The following XNDC1N variants were observed in gnomAD, a reference collection of about 807,000 sequenced individuals.
XNDC1N encodes the protein protein XNDC1N.
chr11:71,882,290 T>C, the XNDC1N span, among the ~76,000 whole-genome samples: 1 of 152,076 alleles, frequency 6.6e-6, no homozygotes, highest in African/African-American at 2.4e-5. Flanking sequence ...GAGTCTCACT[T>C]TGTCACCCAG....
the XNDC1N span, among the ~76,000 whole-genome samples, chr11:71,912,715 C>T: frequency 6.6e-6 from 1 of 152,146 alleles, no homozygotes; most frequent in African/African-American, 2.4e-5. Flanking sequence ...ATATCATCCT[C>T]TTTCCCCCTG....
the XNDC1N span, among the ~76,000 whole-genome samples, chr11:71,893,137 C>T: frequency 2.6e-5 from 4 of 152,276 alleles, no homozygotes; most frequent in East Asian, 7.7e-4. Flanking sequence ...GAGAGAAGGA[C>T]ACTGTCATTG....
chr11:71,923,562 T>TG, the XNDC1N span: 27 of 525,680 alleles, frequency 5.1e-5, no homozygotes, highest in Admixed American at 7.0e-4. Flanking sequence ...TCTGTTTTGT[T>TG]TTTTTTTTTT....
At chr11:71,900,962 G>T in the XNDC1N span, among the ~76,000 whole-genome samples, 1 of 152,138 alleles carries the variant, frequency 6.6e-6, no homozygotes, top group Non-Finnish European at 1.5e-5. Context: ...CAACCAACCT[G>T]CCCTCTCAAA....
At chr11:71,884,645 T>C in the XNDC1N span, 2 of 1,488,312 alleles carry the variant, frequency 1.3e-6, no homozygotes, top group African/African-American at 1.4e-5. Flanking sequence ...ACATGATAGA[T>C]GAAAATTATT....
the XNDC1N span, among the ~76,000 whole-genome samples, chr11:71,891,829 CG>C: frequency 9.3e-5 from 14 of 149,834 alleles, no homozygotes; most frequent in East Asian, 2.8e-3. Context: ...CCCACGATGA[CG>C]GGAGTCATGG....
the XNDC1N span, among the ~76,000 whole-genome samples, chr11:71,876,413 G>T: frequency 3.3e-5 from 5 of 152,056 alleles, no homozygotes; most frequent in African/African-American, 1.2e-4. Context: ...ATGTTCATCT[G>T]GTACCTACTG....
At chr11:71,913,469 G>A in the XNDC1N span, among the ~76,000 whole-genome samples, 1 of 151,938 alleles carries the variant, frequency 6.6e-6, no homozygotes, top group South Asian at 2.1e-4. Context: ...GACCAGCCTG[G>A]CCAATATGTT....
At chr11:71,928,088 G>A in the XNDC1N span, 1 of 236,098 alleles carries the variant, frequency 4.2e-6, no homozygotes, top group African/African-American at 2.3e-5. Flanking sequence ...AGTGAATGGT[G>A]TATAAAAAGG....
chr11:71,901,381 A>G, the XNDC1N span, among the ~76,000 whole-genome samples: 1 of 152,034 alleles, frequency 6.6e-6, no homozygotes, highest in Non-Finnish European at 1.5e-5. Flanking sequence ...GGCGAATCAC[A>G]AGGTCAGTAA....
the XNDC1N span, among the ~76,000 whole-genome samples, chr11:71,880,877 C>T: frequency 6.6e-6 from 1 of 152,080 alleles, no homozygotes; most frequent in Non-Finnish European, 1.5e-5. Context: ...CTAGAATATA[C>T]TTGATATAAT....
chr11:71,900,409 C>A, the XNDC1N span, among the ~76,000 whole-genome samples: 1 of 151,946 alleles, frequency 6.6e-6, no homozygotes, highest in Non-Finnish European at 1.5e-5. Context: ...GGGTCGGGAG[C>A]CTTGTTTGGT....
chr11:71,866,146 CT>C, the XNDC1N span, among the ~76,000 whole-genome samples: 116,706 of 146,830 alleles, frequency 0.79, 47,761 homozygotes, highest in Non-Finnish European at 0.92. Context: ...GAGATAACCC[CT>C]TTTTTTTTTT....
chr11:71,888,155 C>T, the XNDC1N span, among the ~76,000 whole-genome samples: 1 of 152,136 alleles, frequency 6.6e-6, no homozygotes, highest in Non-Finnish European at 1.5e-5. Flanking sequence ...ACACCGGCAC[C>T]TGGAGGACTG....
chr11:71,890,713 A>G, the XNDC1N span, among the ~76,000 whole-genome samples: 6 of 152,052 alleles, frequency 3.9e-5, no homozygotes, highest in Non-Finnish European at 7.4e-5. Flanking sequence ...GAGGAATATC[A>G]TCGTCTCCCC....
chr11:71,897,626 TGAA>T, the XNDC1N span, among the ~76,000 whole-genome samples: 1 of 151,678 alleles, frequency 6.6e-6, no homozygotes, highest in African/African-American at 2.4e-5. Context: ...TGTAAAACCG[TGAA>T]GGAGTGGGGG....
At chr11:71,901,642 T>A in the XNDC1N span, among the ~76,000 whole-genome samples, 1 of 151,862 alleles carries the variant, frequency 6.6e-6, no homozygotes, top group Admixed American at 6.5e-5. Flanking sequence ...AACCACAACT[T>A]TTTGAGAGTT....
the XNDC1N span, among the ~76,000 whole-genome samples, chr11:71,910,909 G>A: frequency 6.6e-6 from 1 of 152,178 alleles, no homozygotes; most frequent in African/African-American, 2.4e-5. Flanking sequence ...CAACAGCAAG[G>A]CTTTCATGAG....
the XNDC1N span, chr11:71,903,699 A>G: frequency 2.3e-5 from 9 of 394,134 alleles, no homozygotes; most frequent in Non-Finnish European, 4.2e-5. Flanking sequence ...GCACAACTTG[A>G]TTGCCTTACA....
Sources: allele counts gnomAD v4.1 joint callset (sites outside exome capture counted in the v4.1 genomes callset), GRCh38; gene constraint gnomAD v4.1.1; transcripts MANE v1.5; gene names NCBI Gene and HGNC (gene_info 2026-07-23, HGNC 2026-07-21).